The following MAP3K5 variants were observed in gnomAD, a reference collection of about 807,000 sequenced individuals.
MAP3K5 encodes mitogen-activated protein kinase kinase kinase 5.
Under a neutral mutation model 158.7 loss-of-function variants are expected in MAP3K5, and 56 were observed. The observed-to-expected ratio is 0.35, with a 90% CI of 0.28 to 0.44. MAP3K5 has a LOEUF of 0.44. MAP3K5 is among the 20% of genes least tolerant of loss of function. The pLI, the probability that MAP3K5 is intolerant of heterozygous loss-of-function variation, is 1.00. For synonymous variants in MAP3K5, 579 were observed against 601.7 expected (o/e 0.96, Z 0.55); for missense variants, 1,294 against 1,674.8 (o/e 0.77, Z 3.97).
At chr6:136,774,397 G>A (rs1023251264) in intron 1 of MAP3K5, among the ~76,000 whole-genome samples, 1 of 152,306 alleles carries the variant, frequency 6.6e-6, no homozygotes, top group East Asian at 1.9e-4. Flanking sequence ...TACGGCTGCA[G>A]TGAGCTGTGA....
intron 6 of MAP3K5, 23 bp downstream of exon 6, chr6:136,695,928 G>A: frequency 1.4e-6 from 2 of 1,436,856 alleles, no homozygotes; most frequent in Non-Finnish European, 2.0e-6. Context: ...AACGCATTCT[G>A]GAAGGGAACT....
chr6:136,739,939 G>A (rs1305676371), intron 1 of MAP3K5, among the ~76,000 whole-genome samples: 1 of 152,204 alleles, frequency 6.6e-6, no homozygotes, highest in Non-Finnish European at 1.5e-5. Flanking sequence ...AGTGGCAGCA[G>A]GGGCCTGTAG....
intron 8 of MAP3K5, among the ~76,000 whole-genome samples, chr6:136,664,717 G>A (rs1385790664): frequency 6.6e-6 from 1 of 152,182 alleles, no homozygotes; most frequent in African/African-American, 2.4e-5. Flanking sequence ...GATCACTTGA[G>A]GCCAGGAGTT....
Position 136,583,616 on chromosome 6 carries a change from A to G in MAP3K5, c.3350T>C (p.Leu1117Pro). The change falls in exon 24 of 30, where the codon CTG becomes CCG. Residue 1117 changes from leucine (L) to proline (P), a missense_variant. Coordinates refer to ENST00000359015, the MANE Select transcript of MAP3K5 (RefSeq NM_005923.4). ...GCTAATGCCATGGCTGTCGAAGTCC[A>G]GCTCCAGTTTCAGCTTTGACAGTGT... ...ATTLSKLKLE[L>P]DFDSHGISQV... 6.2e-7 allele frequency: 1 copy of G among 1,614,252 alleles called. No homozygotes were observed. Among genetic ancestry groups the G allele is most frequent in the Non-Finnish European group, 8.5e-7 (1 of 1,180,036 alleles).
At chr6:136,592,904 C>T (rs1775459846) in intron 21 of MAP3K5, 1 of 460,518 alleles carries the variant, frequency 2.2e-6, no homozygotes, top group South Asian at 1.7e-5. Context: ...GGGTCTGATC[C>T]CCTCATTTTT....
chr6:136,592,838 G>A, intron 21 of MAP3K5: 1 of 595,138 alleles, frequency 1.7e-6, no homozygotes, highest in South Asian at 1.5e-5. Context: ...CCCTGGGAGG[G>A]ATATCTCTGG....
intron 11 of MAP3K5, among the ~76,000 whole-genome samples, chr6:136,648,834 T>C (rs955308761): frequency 1.3e-5 from 2 of 152,230 alleles, no homozygotes; most frequent in Non-Finnish European, 2.9e-5. Flanking sequence ...TTCTTCTTGC[T>C]AGATTATGGA....
chr6:136,752,313 C>T (rs1783246734), intron 1 of MAP3K5, among the ~76,000 whole-genome samples: 2 of 152,026 alleles, frequency 1.3e-5, no homozygotes, highest in South Asian at 2.1e-4. Context: ...AGGGATGGTG[C>T]CGAGGAAACA....
At chr6:136,568,600 C>T (rs1011868665) in intron 25 of MAP3K5, among the ~76,000 whole-genome samples, 3 of 152,116 alleles carry the variant, frequency 2.0e-5, no homozygotes, top group Admixed American at 6.5e-5. Context: ...TGTGGCTGGG[C>T]ACAGTGGCTC....
In MAP3K5 at chr6:136,704,387, G is replaced by C. The variant is rs570285651; in HGVS notation, c.612+723C>G. On this transcript the variant is annotated intron_variant, in intron 3 of 29. Coordinates refer to ENST00000359015, the MANE Select transcript of MAP3K5 (RefSeq NM_005923.4). ...ATCACGATTTAGAAAAGGGAAAAGG[G>C]AACAGCATATTGGAAAGGATGGCAT... Among the ~76,000 whole-genome samples, 59 of 152,156 alleles carry C rather than the reference G, an allele frequency of 3.9e-4. 2 individuals are homozygous for C. The highest frequency in any genetic ancestry group is 3.1e-3 in the Admixed American group (48 of 15,280).
intron 23 of MAP3K5, among the ~76,000 whole-genome samples, chr6:136,588,405 T>C (rs1431331210): frequency 6.6e-6 from 1 of 152,210 alleles, no homozygotes; most frequent in Non-Finnish European, 1.5e-5. Context: ...TGGTATAGTA[T>C]TACTGTCATG....
intron 1 of MAP3K5, among the ~76,000 whole-genome samples, chr6:136,777,333 T>C (rs1037766549): frequency 6.6e-6 from 1 of 152,248 alleles, no homozygotes; most frequent in African/African-American, 2.4e-5. Flanking sequence ...TGGGTCACTG[T>C]ATCTGGGAAA....
At position 136,711,495 on chromosome 6, in the gene MAP3K5, T is replaced by C. The variant is rs1001486304; in HGVS notation, c.589-6362A>G. Among the ~76,000 whole-genome samples the C allele has an allele frequency of 2.0e-5, 3 of 151,792 alleles. 1 individual carries two copies. Among genetic ancestry groups the C allele is most frequent in the Non-Finnish European group, 4.4e-5 (3 of 67,952 alleles). On this transcript the variant is annotated intron_variant, in intron 2 of 29. Coordinates refer to ENST00000359015, the MANE Select transcript of MAP3K5 (RefSeq NM_005923.4). ...GCCTGGGAAACACGGCAAAACCCCA[T>C]CTCTACAAAAAAATACAAAAATTAG... is the stretch of plus-strand genomic sequence containing the variant.
At chr6:136,770,212 G>A (rs920270554) in intron 1 of MAP3K5, among the ~76,000 whole-genome samples, 1 of 152,022 alleles carries the variant, frequency 6.6e-6, no homozygotes, top group Non-Finnish European at 1.5e-5. Context: ...GATGGACTGA[G>A]GCATATGGTA....
At chr6:136,639,448 C>A in intron 13 of MAP3K5, 95 bp downstream of exon 13, 1 of 641,142 alleles carries the variant, frequency 1.6e-6, no homozygotes, top group Non-Finnish European at 2.7e-6. Context: ...ACCACATAGC[C>A]ATGCATTCTT....
At chr6:136,627,489 A>G (rs1175607360) in intron 14 of MAP3K5, among the ~76,000 whole-genome samples, 1 of 152,168 alleles carries the variant, frequency 6.6e-6, no homozygotes, top group Non-Finnish European at 1.5e-5. Context: ...TATGGTCTGA[A>G]TGTTTGCGTA....
At chr6:136,777,062 G>A (rs1784428311) in intron 1 of MAP3K5, among the ~76,000 whole-genome samples, 1 of 152,190 alleles carries the variant, frequency 6.6e-6, no homozygotes. Flanking sequence ...ACTGCCAAGT[G>A]TACTTCAAAC....
At chr6:136,619,047 C>T (rs566954447) in intron 15 of MAP3K5, among the ~76,000 whole-genome samples, 3 of 152,296 alleles carry the variant, frequency 2.0e-5, no homozygotes, top group South Asian at 4.1e-4. Context: ...TTTTCCTTTT[C>T]CTTCTGGACT....
chr6:136,581,565 G>A (rs187747524), intron 24 of MAP3K5, among the ~76,000 whole-genome samples: 1 of 152,310 alleles, frequency 6.6e-6, no homozygotes, highest in East Asian at 1.9e-4. Context: ...TACTGCAGCT[G>A]GGGAGATGGT....
Sources: allele counts gnomAD v4.1 joint callset (sites outside exome capture counted in the v4.1 genomes callset), GRCh38; gene constraint gnomAD v4.1.1; transcripts MANE v1.5; gene names NCBI Gene and HGNC (gene_info 2026-07-23, HGNC 2026-07-21).